Variants in EEF1AKMT4 observed in about 807,000 individuals in gnomAD.
EEF1AKMT4 encodes the protein eukaryotic translation elongation factor 1 alpha lysine specific methyltransferase 4.
Under a neutral mutation model 23.0 loss-of-function variants are expected in EEF1AKMT4, and 17 were observed. That is an observed-to-expected ratio of 0.74 (90% CI 0.51 to 1.11). The LOEUF (loss-of-function observed/expected upper bound fraction) is 1.11. Ranked by LOEUF, EEF1AKMT4 falls within the 50% of genes least tolerant of loss-of-function variation. The pLI is 0.00. For missense variants in EEF1AKMT4, 318 were observed against 333.4 expected, an observed-to-expected ratio of 0.95 and a Z score of 0.36; for synonymous variants, 140 against 141.4, an observed-to-expected ratio of 0.99 and a Z score of 0.07.
intron 1 of EEF1AKMT4, among the ~76,000 whole-genome samples, chr3:184,256,019 C>T (rs951607408): frequency 1.9e-4 from 29 of 152,162 alleles, no homozygotes; most frequent in African/African-American, 6.5e-4. Context: ...TGTGGTGGCT[C>T]ATGCCTATAA....
intron 2 of EEF1AKMT4, 145 bp downstream of exon 2, chr3:184,257,901 G>A: frequency 9.4e-7 from 1 of 1,059,770 alleles, no homozygotes; most frequent in Non-Finnish European, 1.3e-6. Context: ...TCTGAAGGGA[G>A]GGAAGGGTTA....
chr3:184,250,718 ATG>A (rs1487445018), intron 1 of EEF1AKMT4, among the ~76,000 whole-genome samples: 1 of 152,242 alleles, frequency 6.6e-6, no homozygotes, highest in Admixed American at 6.5e-5. Flanking sequence ...AACAAATCTA[ATG>A]TGTGTGTCTA....
intron 1 of EEF1AKMT4, among the ~76,000 whole-genome samples, chr3:184,253,668 GT>G (rs1336133884): frequency 8.5e-6 from 1 of 117,464 alleles, no homozygotes; most frequent in East Asian, 2.7e-4. Flanking sequence ...TAATAATAGT[GT>G]CTTTTTTTTT....
intron 2 of EEF1AKMT4, 128 bp from the exon 3 acceptor site, chr3:184,258,160 A>G (rs937815091): frequency 1.8e-5 from 16 of 909,412 alleles, no homozygotes; most frequent in African/African-American, 1.7e-4. Flanking sequence ...ACTCTTTGCC[A>G]TGGAAAGCCT....
At chr3:184,258,173 G>A in intron 2 of EEF1AKMT4, 115 bp from the exon 3 acceptor site, 3 of 995,390 alleles carry the variant, frequency 3.0e-6, no homozygotes, top group Non-Finnish European at 4.5e-6. Context: ...GAAAGCCTGA[G>A]CTACAGATGT....
chr3:184,250,983 G>A (rs949663186), intron 1 of EEF1AKMT4, among the ~76,000 whole-genome samples: 4 of 151,926 alleles, frequency 2.6e-5, no homozygotes, highest in African/African-American at 9.7e-5. Flanking sequence ...TACTTGGGAG[G>A]CTGAGGCAGG....
intron 1 of EEF1AKMT4, among the ~76,000 whole-genome samples, chr3:184,253,611 G>C (rs958866119): frequency 1.3e-5 from 2 of 151,090 alleles, no homozygotes; most frequent in Non-Finnish European, 2.9e-5. Context: ...CCTTGAGAAA[G>C]TTTCTTACCA....
intron 1 of EEF1AKMT4, among the ~76,000 whole-genome samples, chr3:184,254,150 G>A (rs934916852): frequency 6.6e-6 from 1 of 152,164 alleles, no homozygotes; most frequent in East Asian, 1.9e-4. Flanking sequence ...GAAGACTCGT[G>A]TGTCTGGTCC....
Position 184,249,698 on chromosome 3 carries a change from G to T in EEF1AKMT4, c.4G>T (p.Ala2Ser). Reference protein sequence around the residue: MASPGAGRAPPE... With the variant: MSSPGAGRAPPE... ...TGGCTGCCCGGCGGTTGAGAGCATG[G>T]CCTCTCCAGGGGCAGGTAGGGCGCC... The change falls in exon 1 of 3, where the codon GCC (alanine) becomes TCC (serine). Residue 2 changes from alanine (A) to serine (S), a missense_variant. Ala to Ser is a moderately conservative substitution (Grantham distance 99, BLOSUM62 1). Coordinates refer to ENST00000324557, the MANE Select transcript of EEF1AKMT4 (RefSeq NM_032331.4). 1 of 1,599,362 alleles carries T rather than the reference G, an allele frequency of 6.3e-7. No individual in the cohort carries two copies. Among genetic ancestry groups the T allele is most frequent in the Non-Finnish European group, 8.5e-7 (1 of 1,169,906 alleles).
At chr3:184,250,182 T>C (rs1179936371) in intron 1 of EEF1AKMT4, among the ~76,000 whole-genome samples, 1 of 152,196 alleles carries the variant, frequency 6.6e-6, no homozygotes, top group African/African-American at 2.4e-5. Context: ...GGGGACCGGA[T>C]TGCTCAGAGG....
chr3:184,252,891 G>A (rs887501625), intron 1 of EEF1AKMT4, among the ~76,000 whole-genome samples: 2 of 140,596 alleles, frequency 1.4e-5, no homozygotes, highest in Non-Finnish European at 1.5e-5. Context: ...AGGTTGCAGT[G>A]AGCCAAGATT....
intron 2 of EEF1AKMT4, 66 bp from the exon 3 acceptor site, chr3:184,258,222 G>A (rs1719899400): frequency 7.0e-7 from 1 of 1,428,890 alleles, no homozygotes; most frequent in Admixed American, 1.9e-5. Flanking sequence ...AGCATCTGGA[G>A]CAGTACTGAC....
At chr3:184,252,594 T>C (rs1390914361) in intron 1 of EEF1AKMT4, among the ~76,000 whole-genome samples, 2 of 152,144 alleles carry the variant, frequency 1.3e-5, no homozygotes, top group East Asian at 1.9e-4. Flanking sequence ...ACACAGTCTC[T>C]TTTACAATGA....
At chr3:184,253,290 G>A (rs1213798101) in intron 1 of EEF1AKMT4, among the ~76,000 whole-genome samples, 1 of 152,186 alleles carries the variant, frequency 6.6e-6, no homozygotes, top group East Asian at 1.9e-4. Flanking sequence ...AAGACTCCCA[G>A]GGCATCTGGT....
rs2108446236 is a variant in EEF1AKMT4, at chr3:184,249,715, T to C, written c.21T>C (p.Gly7=). The change falls in exon 1 of 3, where the codon GGT becomes GGC. Residue 7 remains glycine, a synonymous_variant. Coordinates refer to ENST00000324557, the MANE Select transcript of EEF1AKMT4 (RefSeq NM_032331.4). ...AGAGCATGGCCTCTCCAGGGGCAGGTAGGGCGCCTCCGGAGTTACCGGAGC... is the reference window on the plus strand; with the variant it reads ...AGAGCATGGCCTCTCCAGGGGCAGGCAGGGCGCCTCCGGAGTTACCGGAGC... The part of the protein sequence containing the change: MASPGA[G]RAPPELPERN... 2 of 1,609,680 alleles carry C rather than the reference T, an allele frequency of 1.2e-6. No homozygotes were observed. Among genetic ancestry groups the C allele is most frequent in the East Asian group, 2.2e-5 (1 of 44,796 alleles).
chr3:184,252,620 G>A (rs913138782), intron 1 of EEF1AKMT4, among the ~76,000 whole-genome samples: 3 of 152,140 alleles, frequency 2.0e-5, no homozygotes. Context: ...TTCCGCTATT[G>A]TAGTGGAAAA....
chr3:184,258,443 CA>C lies in EEF1AKMT4; in HGVS notation c.638del (p.Lys213ArgfsTer85). 6.2e-7 allele frequency: 1 copy of C among 1,613,960 alleles called. No homozygotes were observed. Among genetic ancestry groups the C allele is most frequent in the Non-Finnish European group, 8.5e-7 (1 of 1,179,914 alleles). On this transcript the variant is annotated frameshift_variant, in exon 3 of 3. Coordinates refer to ENST00000324557, the MANE Select transcript of EEF1AKMT4 (RefSeq NM_032331.4). LOFTEE classifies it high-confidence loss of function. ...GFHFHLYLMHKGGKLSVAQLA... is the reference protein window; with the variant it reads ...GFHFHLYLMHXGGKLSVAQLA... ...TCCACTTCCATCTCTACCTCATGCA[CA>C]AGGGCGGGAAGCTCAGTGTGGCCCA...
chr3:184,258,502 C>T lies in EEF1AKMT4; in HGVS notation c.695C>T (p.Pro232Leu), dbSNP rs1473246931. 1.9e-6 allele frequency: 3 copies of T among 1,613,450 alleles called. No individual in the cohort carries two copies. The highest frequency in any genetic ancestry group is 3.3e-5 in the Admixed American group (2 of 59,962). ...CTGGGGGCCCAAATCCTCTCACCCC[C>T]CAGACCTCCCACCTCACCTTGCTTC... ...LALGAQILSPPRPPTSPCFLQ... is the reference protein window; with the variant it reads ...LALGAQILSPLRPPTSPCFLQ... The change falls in exon 3 of 3, where the codon CCC becomes CTC. Residue 232 changes from proline (P) to leucine (L), a missense_variant. Coordinates refer to ENST00000324557, the MANE Select transcript of EEF1AKMT4 (RefSeq NM_032331.4).
chr3:184,255,209 C>A (rs1189973127), intron 1 of EEF1AKMT4, among the ~76,000 whole-genome samples: 1 of 152,138 alleles, frequency 6.6e-6, no homozygotes, highest in East Asian at 1.9e-4. Context: ...GTCAGCAAAC[C>A]CAGTGGGATT....
Sources: gnomAD v4.1 joint callset for allele counts (sites outside exome capture counted in the v4.1 genomes callset) on GRCh38, gnomAD v4.1.1 for gene constraint, MANE v1.5 for transcripts, NCBI Gene and HGNC (gene_info 2026-07-23, HGNC 2026-07-21) for gene names.